The following NECTIN3 variants were observed in gnomAD, a reference collection of about 807,000 sequenced individuals.
NECTIN3 encodes the protein nectin-3.
NECTIN3 carries 8 observed loss-of-function variants against 49.4 expected under a neutral mutation model. That is an observed-to-expected ratio of 0.16 (90% CI 0.10 to 0.29). NECTIN3 has a LOEUF of 0.29. Ranked by LOEUF, NECTIN3 falls within the 10% of genes least tolerant of loss-of-function variation. The pLI, the probability that NECTIN3 is intolerant of heterozygous loss-of-function variation, is 1.00. For synonymous variants in NECTIN3, 277 were observed against 241.1 expected (o/e 1.15, Z -1.38); for missense variants, 581 against 654.6 (o/e 0.89, Z 1.23).
At chr3:111,171,437 A>G (rs58423117) in intron 7 of NECTIN3, among the ~76,000 whole-genome samples, 6,987 of 152,294 alleles carry the variant, frequency 0.046, 543 homozygotes, top group African/African-American at 0.16. Context: ...TTTTAGGTTC[A>G]TCAATGAAAG....
At chr3:111,192,028 C>T (rs2035821253), upstream of NECTIN3, among the ~76,000 whole-genome samples, 2 of 152,138 alleles carry the variant, frequency 1.3e-5, no homozygotes, top group South Asian at 4.1e-4. Context: ...GATGGAGTTT[C>T]ACCATGTTGA....
intron 7 of NECTIN3, among the ~76,000 whole-genome samples, chr3:111,157,624 A>G (rs1261556978): frequency 1.3e-5 from 2 of 152,130 alleles, no homozygotes; most frequent in African/African-American, 4.8e-5. Flanking sequence ...GATGTTTCCA[A>G]TAATTAGGTT....
At chr3:111,112,784 A>G (rs2033527577) in intron 2 of NECTIN3, among the ~76,000 whole-genome samples, 1 of 152,132 alleles carries the variant, frequency 6.6e-6, no homozygotes, top group African/African-American at 2.4e-5. Context: ...ATGTTTTACT[A>G]TTTCATATCA....
At chr3:111,137,706 TA>T (rs1198601168), downstream of NECTIN3, 1 of 174,650 alleles carries the variant, frequency 5.7e-6, no homozygotes, top group East Asian at 1.9e-4. Context: ...CCTGTTTTCC[TA>T]AAACAAGACT....
At chr3:111,114,822 CAAAT>C (rs1488658084) in intron 2 of NECTIN3, among the ~76,000 whole-genome samples, 6 of 151,648 alleles carry the variant, frequency 4.0e-5, no homozygotes, top group African/African-American at 1.5e-4. Flanking sequence ...CAACTAACTG[CAAAT>C]AGAGAATAGA....
intron 1 of NECTIN3, chr3:111,193,123 A>C: frequency 1.5e-6 from 2 of 1,295,998 alleles, no homozygotes; most frequent in Non-Finnish European, 2.1e-6. Flanking sequence ...AGTGAATTCT[A>C]TTCTTGCCTG....
At chr3:111,122,749 T>G (rs960526196) in intron 4 of NECTIN3, among the ~76,000 whole-genome samples, 4 of 152,156 alleles carry the variant, frequency 2.6e-5, no homozygotes, top group African/African-American at 9.6e-5. Context: ...ATGGCTAATA[T>G]TTGCCTCTTT....
At chr3:111,123,769 A>G (rs2034049030) in intron 4 of NECTIN3, among the ~76,000 whole-genome samples, 1 of 152,124 alleles carries the variant, frequency 6.6e-6, no homozygotes. Context: ...TTCATAAGCA[A>G]CCCTTCACCC....
At chr3:111,119,489 G>A (rs1484137431) in intron 3 of NECTIN3, among the ~76,000 whole-genome samples, 3 of 152,054 alleles carry the variant, frequency 2.0e-5, no homozygotes, top group Non-Finnish European at 4.4e-5. Flanking sequence ...GCACCACCAC[G>A]CCCTGCTAAT....
chr3:111,113,991 T>C (rs1333195251), intron 2 of NECTIN3, among the ~76,000 whole-genome samples: 1 of 150,872 alleles, frequency 6.6e-6, no homozygotes, highest in Non-Finnish European at 1.5e-5. Context: ...TCTAAATAAA[T>C]AAATAAATAA....
intron 7 of NECTIN3, among the ~76,000 whole-genome samples, chr3:111,174,251 A>G (rs1019591454): frequency 1.3e-5 from 2 of 152,188 alleles, no homozygotes; most frequent in Non-Finnish European, 2.9e-5. Flanking sequence ...TTAAGTCTTC[A>G]GTATGTTATC....
At chr3:111,138,870 T>A (rs2034668549), downstream of NECTIN3, among the ~76,000 whole-genome samples, 1 of 151,630 alleles carries the variant, frequency 6.6e-6, no homozygotes, top group Non-Finnish European at 1.5e-5. Context: ...CAGTCTCAAT[T>A]AAGAGAAATA....
chr3:111,098,568 C>T lies in NECTIN3; in HGVS notation c.161-13462C>T, dbSNP rs551897847. 1.6e-4 allele frequency among the ~76,000 whole-genome samples: 24 copies of T among 152,296 alleles called. No individual in the cohort carries two copies. In the South Asian group the frequency reaches 5.0e-3, roughly 32 times the overall value. On this transcript the variant is annotated intron_variant, in intron 1 of 5. Coordinates refer to ENST00000485303, the MANE Select transcript of NECTIN3 (RefSeq NM_015480.3). Reference sequence around the variant, plus strand: ...ACTCTGTGTATTTTCTGTAAGGACACTTGTCATTGGATTTGGGATCTACCT... The same window carrying T: ...ACTCTGTGTATTTTCTGTAAGGACATTTGTCATTGGATTTGGGATCTACCT...
At chr3:111,072,514 G>C in intron 1 of NECTIN3, 2 of 1,535,864 alleles carry the variant, frequency 1.3e-6, no homozygotes, top group South Asian at 1.2e-5. Flanking sequence ...AACCCTCGTA[G>C]GTTAAGGTGC....
At chr3:111,165,439 C>T (rs1371888187) in intron 7 of NECTIN3, among the ~76,000 whole-genome samples, 1 of 152,060 alleles carries the variant, frequency 6.6e-6, no homozygotes, top group Non-Finnish European at 1.5e-5. Context: ...CATGTTAGAT[C>T]TTTACTACTT....
In NECTIN3 at chr3:111,135,171, G is replaced by A; in HGVS notation, c.*956G>A. 1 of 982,366 alleles carries A rather than the reference G, an allele frequency of 1.0e-6. No homozygotes were observed. Among genetic ancestry groups the A allele is most frequent in the Non-Finnish European group, 1.2e-6 (1 of 827,328 alleles). 60.9% of individuals were successfully genotyped at this position (982,366 alleles called of 1,614,324 possible). On this transcript the variant is annotated 3_prime_UTR_variant, in exon 6 of 6. Coordinates refer to ENST00000485303, the MANE Select transcript of NECTIN3 (RefSeq NM_015480.3). ...GAATTTTATGGACCATCTTGTTTTA[G>A]TTATTTAATGTTGATGTTGTTCAAA... is the stretch of plus-strand genomic sequence containing the variant.
chr3:111,164,043 G>A (rs1167707282), intron 7 of NECTIN3, among the ~76,000 whole-genome samples: 2 of 150,242 alleles, frequency 1.3e-5, no homozygotes, highest in African/African-American at 4.9e-5. Flanking sequence ...GGAAACTTAA[G>A]TACAAAAGAA....
chr3:111,166,731 G>A (rs2035325621), intron 7 of NECTIN3, among the ~76,000 whole-genome samples: 2 of 152,156 alleles, frequency 1.3e-5, no homozygotes, highest in African/African-American at 4.8e-5. Context: ...TGAGTGAAAT[G>A]ATATTCGCTT....
intron 4 of NECTIN3, among the ~76,000 whole-genome samples, chr3:111,122,659 G>A (rs1361200518): frequency 1.3e-5 from 2 of 151,992 alleles, no homozygotes; most frequent in South Asian, 2.1e-4. Context: ...GCTTCTCTAG[G>A]ACAGGTAAAT....
Sources: gnomAD v4.1 joint callset for allele counts (sites outside exome capture counted in the v4.1 genomes callset) on GRCh38, gnomAD v4.1.1 for gene constraint, MANE v1.5 for transcripts, NCBI Gene and HGNC (gene_info 2026-07-23, HGNC 2026-07-21) for gene names.